The following SCN9A variants were observed in gnomAD, a reference collection of about 807,000 sequenced individuals.
The protein encoded by SCN9A is sodium voltage-gated channel alpha subunit 9, also known as sodium channel protein type 9 subunit alpha.
A neutral mutation model predicts 187.0 loss-of-function variants in SCN9A; 131 were observed. That is an observed-to-expected ratio of 0.70 (90% CI 0.61 to 0.81). SCN9A has a LOEUF of 0.81. Among genes scored for constraint, SCN9A ranks in the 30% least tolerant of loss-of-function variants. The probability of loss-of-function intolerance (pLI) is 0.00; values close to 1 mark genes in which losing one functional copy is unlikely to be tolerated. For synonymous variants in SCN9A, 809 were observed against 808.6 expected (o/e 1.00, Z -0.01); for missense variants, 2,252 against 2,396.6 (o/e 0.94, Z 1.26).
rs531634550 is a variant in SCN9A, at chr2:166,219,773, G to A, written c.4398+6794C>T. Reference sequence around the variant, plus strand: ...ACAATAGGAAATGAAAAAAATAAATGTATATTTCAAAATTGCTAAAAGAAT... The same window carrying A: ...ACAATAGGAAATGAAAAAAATAAATATATATTTCAAAATTGCTAAAAGAAT... On this transcript the variant is annotated intron_variant, in intron 24 of 26. Transcript: ENST00000642356. 1.9e-4 allele frequency among the ~76,000 whole-genome samples: 29 copies of A among 152,140 alleles called. No individual in the cohort carries two copies. The South Asian group carries it at 3.9e-3, about 21-fold the overall frequency.
chr2:166,298,283 A>C (rs938739347), intron 7 of SCN9A, among the ~76,000 whole-genome samples: 1 of 152,224 alleles, frequency 6.6e-6, no homozygotes, highest in African/African-American at 2.4e-5. Context: ...GAAAAACAGG[A>C]GGAAGAGAAT....
rs1319079239 is a variant in SCN9A, at chr2:166,311,704, T to C, written c.53A>G (p.Gln18Arg). The change falls in exon 2 of 27, where the codon CAG becomes CGG. Residue 18 changes from glutamine to arginine, a missense_variant. Gln to Arg is a conservative substitution (Grantham distance 43). Coordinates refer to ENST00000642356, the MANE Select transcript of SCN9A (RefSeq NM_001365536.1). ...GCGTTGTTCAATGAGGGCAAGAGAC[T>C]GTTTTGTGAAATGGACAAAGCTCTG... ...GPQSFVHFTK[Q>R]SLALIEQRIA... The C allele has an allele frequency of 6.2e-7, 1 of 1,612,574 alleles. No individual in the cohort carries two copies. Among genetic ancestry groups the C allele is most frequent in the African/African-American group, 1.3e-5 (1 of 74,852 alleles).
intron 7 of SCN9A, 128 bp downstream of exon 7, chr2:166,302,962 C>T (rs1265730529): frequency 3.9e-6 from 3 of 766,798 alleles, no homozygotes; most frequent in South Asian, 1.9e-5. Context: ...CAAATTCACA[C>T]TGTAGCAGCT....
intron 1 of SCN9A, among the ~76,000 whole-genome samples, chr2:166,352,166 CA>C (rs1700048622): frequency 6.6e-6 from 1 of 152,078 alleles, no homozygotes; most frequent in Non-Finnish European, 1.5e-5. Context: ...ATGTGAATGA[CA>C]GTAAGATTTA....
intron 24 of SCN9A, among the ~76,000 whole-genome samples, chr2:166,214,509 T>C (rs1010469763): frequency 3.0e-4 from 13 of 42,816 alleles, no homozygotes; most frequent in East Asian, 6.8e-4. Context: ...CTTTCTTTTT[T>C]TTTTTTTTTT....
chr2:166,251,576 C>T (rs1394130864), intron 18 of SCN9A, among the ~76,000 whole-genome samples, 189 bp downstream of exon 18: 1 of 151,944 alleles, frequency 6.6e-6, no homozygotes, highest in East Asian at 1.9e-4. Context: ...TAGTCAAGTG[C>T]CATAGATGTG....
chr2:166,274,927 A>T (rs908052168), intron 16 of SCN9A, among the ~76,000 whole-genome samples: 15 of 152,158 alleles, frequency 9.9e-5, no homozygotes, highest in African/African-American at 3.6e-4. Context: ...ATTTAACCTT[A>T]TTGGTAGAAC....
intron 2 of SCN9A, among the ~76,000 whole-genome samples, chr2:166,309,381 A>C (rs1698867549): frequency 6.6e-6 from 1 of 152,214 alleles, no homozygotes; most frequent in Non-Finnish European, 1.5e-5. Flanking sequence ...TTAGCAGGAA[A>C]AAATAGGTAT....
chr2:166,310,296 C>T (rs1280219884), intron 2 of SCN9A, among the ~76,000 whole-genome samples: 1 of 82,186 alleles, frequency 1.2e-5, no homozygotes, highest in South Asian at 3.3e-4. Flanking sequence ...AAATAAACTA[C>T]CATCAGAGTG....
intron 2 of SCN9A, among the ~76,000 whole-genome samples, chr2:166,310,006 T>C (rs1273030760): frequency 1.6e-5 from 2 of 123,478 alleles, no homozygotes; most frequent in African/African-American, 6.6e-5. Flanking sequence ...GGGGAAAGGA[T>C]TCCCTATTTA....
chr2:166,285,632 T>C (rs981217889), intron 11 of SCN9A, among the ~76,000 whole-genome samples: 1 of 152,154 alleles, frequency 6.6e-6, no homozygotes, highest in African/African-American at 2.4e-5. Context: ...ACTGTGTATA[T>C]CAGGAGAATC....
At chr2:166,208,944 G>A (rs1429116452) in intron 24 of SCN9A, among the ~76,000 whole-genome samples, 1 of 152,192 alleles carries the variant, frequency 6.6e-6, no homozygotes, top group Non-Finnish European at 1.5e-5. Flanking sequence ...TCAAGGGAGG[G>A]AGAGGAGTGG....
intron 26 of SCN9A, among the ~76,000 whole-genome samples, chr2:166,201,539 ATACTATATATATAGTATAGAGTATGCG>A (rs1280489732): frequency 1.9e-4 from 3 of 15,664 alleles, no homozygotes; most frequent in African/African-American, 1.8e-3. Flanking sequence ...GAGTATGCGT[ATACTATATATATAGTATAGAGTATGCG>A]TATACTATAT....
chr2:166,220,161 T>C (rs1694520417), intron 24 of SCN9A, among the ~76,000 whole-genome samples: 1 of 152,138 alleles, frequency 6.6e-6, no homozygotes, highest in Non-Finnish European at 1.5e-5. Context: ...CTGAGAAGGA[T>C]AAAAATCACA....
chr2:166,233,303 A>C, intron 21 of SCN9A, 37 bp downstream of exon 21: 1 of 1,411,328 alleles, frequency 7.1e-7, no homozygotes. Flanking sequence ...AACCCCATTA[A>C]AAAATAAGAA....
chr2:166,295,694 A>G (rs896873630), intron 7 of SCN9A, among the ~76,000 whole-genome samples: 2 of 152,262 alleles, frequency 1.3e-5, no homozygotes, highest in Admixed American at 6.5e-5. Flanking sequence ...AGGCAGTAAC[A>G]TAAGTGAGTA....
intron 15 of SCN9A, 88 bp from the exon 16 acceptor site, chr2:166,277,427 G>T: frequency 1.3e-6 from 1 of 787,154 alleles, no homozygotes; most frequent in South Asian, 1.8e-5. Context: ...GGGTAAAGCA[G>T]ACTTTAAGTC....
intron 24 of SCN9A, among the ~76,000 whole-genome samples, chr2:166,212,696 T>G (rs1317453445): frequency 6.6e-6 from 1 of 152,164 alleles, no homozygotes. Flanking sequence ...TCTTTTCAAG[T>G]GCGCACAGAA....
chr2:166,278,277 T>G lies in SCN9A; in HGVS notation c.2380A>C (p.Lys794Gln). 6.2e-7 allele frequency: 1 copy of G among 1,609,594 alleles called. No homozygotes were observed. The highest frequency in any genetic ancestry group is 1.1e-5 in the South Asian group (1 of 89,924). Reference sequence around the variant, plus strand: ...TCATATGGATCCATGGCAATCAGTTTTAATACCATTTCAGCTGCAAAGATT... The same window carrying G: ...TCATATGGATCCATGGCAATCAGTTGTAATACCATTTCAGCTGCAAAGATT... ...TGIFAAEMVL[K>Q]LIAMDPYEYF... The change falls in exon 15 of 27, where the codon AAA becomes CAA. Residue 794 changes from lysine to glutamine, a missense_variant. Lys to Gln is a moderately conservative substitution (Grantham distance 53). Transcript: ENST00000642356.
Sources: allele counts gnomAD v4.1 joint callset (sites outside exome capture counted in the v4.1 genomes callset), GRCh38; gene constraint gnomAD v4.1.1; transcripts MANE v1.5; gene names NCBI Gene and HGNC (gene_info 2026-07-23, HGNC 2026-07-21).